Variants in MACROD1 observed in about 807,000 individuals in gnomAD.
The protein encoded by MACROD1 is ADP-ribose glycohydrolase MACROD1.
In MACROD1, 31 loss-of-function variants were observed where a neutral mutation model predicts 41.4. The ratio of observed to expected loss-of-function variants is 0.75; its 90% CI spans 0.56 to 1.01. The LOEUF is 1.01. Ranked by LOEUF, MACROD1 falls within the 50% of genes least tolerant of loss-of-function variation. The probability of loss-of-function intolerance (pLI) is 0.00; values close to 1 mark genes in which losing one functional copy is unlikely to be tolerated. For synonymous variants in MACROD1, 252 were observed against 203.4 expected (o/e 1.24, Z -2.03); for missense variants, 473 against 460.0 (o/e 1.03, Z -0.26).
chr11:64,152,501 C>T lies in MACROD1; in HGVS notation c.299-108G>A. 3.6e-6 allele frequency: 3 copies of T among 843,438 alleles called. No individual in the cohort carries two copies. In the Admixed American group the frequency reaches 5.4e-5, roughly 15 times the overall value. 52.2% of individuals were successfully genotyped at this position (843,438 alleles called of 1,614,324 possible). A position where few individuals can be genotyped will look rare whatever the true frequency, so the allele number is the denominator to read the frequency against. ...ATCCAAGAATGCAAACCAGCTCTTC[C>T]TGTCCCTCCTTCTCTGGGCACACAG... is the stretch of plus-strand genomic sequence containing the variant. On this transcript the variant is annotated intron_variant, in intron 1 of 10. Transcript: ENST00000255681.
At chr11:64,142,801 G>A (rs1298693119) in intron 3 of MACROD1, among the ~76,000 whole-genome samples, 2 of 152,032 alleles carry the variant, frequency 1.3e-5, no homozygotes, top group African/African-American at 4.8e-5. Context: ...ACTTCCAGAC[G>A]ACCCAGAGGG....
intron 3 of MACROD1, among the ~76,000 whole-genome samples, chr11:64,083,339 G>A (rs865815400): frequency 3.3e-5 from 5 of 152,156 alleles, no homozygotes; most frequent in African/African-American, 9.7e-5. Context: ...CAGAGGCTGA[G>A]GCAGGAGAAT....
At position 64,064,729 on chromosome 11, in the gene MACROD1, C is replaced by T. The variant is rs529041927; in HGVS notation, c.518-49448G>A. Among the ~76,000 whole-genome samples the T allele has an allele frequency of 8.6e-5, 13 of 150,760 alleles. No individual in the cohort carries two copies. The highest frequency in any genetic ancestry group is 3.2e-4 in the African/African-American group (13 of 41,152). ...AGTTCTCCTCTCCCCTCCCTGCCAG[C>T]CCCCCAGCAGGCAGCCAGGCCTGGA... On this transcript the variant is annotated intron_variant, in intron 3 of 10. Coordinates refer to ENST00000255681, the MANE Select transcript of MACROD1 (RefSeq NM_014067.4). The surrounding 1 kb of genome is among the most constrained non-coding windows in gnomAD (Gnocchi z 4.5).
intron 4 of MACROD1, among the ~76,000 whole-genome samples, chr11:64,012,443 C>T (rs1943028843): frequency 6.6e-6 from 1 of 152,068 alleles, no homozygotes; most frequent in Admixed American, 6.5e-5. Context: ...CTGTGTTACC[C>T]AAGCTGGAGT....
At chr11:64,117,050 C>A in intron 3 of MACROD1, 9 of 1,605,480 alleles carry the variant, frequency 5.6e-6, no homozygotes, top group Non-Finnish European at 7.7e-6. Context: ...ATTCGCTGGC[C>A]GCGCCACCCC....
At chr11:64,099,223 C>G (rs766204952) in intron 3 of MACROD1, among the ~76,000 whole-genome samples, 1 of 152,250 alleles carries the variant, frequency 6.6e-6, no homozygotes, top group Admixed American at 6.5e-5. Context: ...CCATGATCCA[C>G]CCCACTCCCC....
chr11:64,008,401 G>GAGGCGGGAGGTCCCACGCACACAT (rs147518923), intron 4 of MACROD1, among the ~76,000 whole-genome samples: 148,036 of 148,592 alleles, frequency 1, 73,740 homozygotes, highest in Middle Eastern at 1. Flanking sequence ...GGCCTGGGGA[G>GAGGCGGGAGGTCCCACGCACACAT]AGGCGCCCAG....
intron 3 of MACROD1, among the ~76,000 whole-genome samples, chr11:64,060,995 G>A (rs545113822): frequency 5.5e-4 from 84 of 152,042 alleles, no homozygotes; most frequent in Admixed American, 2.4e-3. Context: ...GGCCGGCGTC[G>A]ACCTTCCCCG....
chr11:64,164,545 A>G (rs1452456885), intron 1 of MACROD1, among the ~76,000 whole-genome samples: 1 of 152,202 alleles, frequency 6.6e-6, no homozygotes, highest in East Asian at 1.9e-4. Flanking sequence ...GCAAGGGCCA[A>G]GTGCCTGACA....
At chr11:64,030,087 G>A (rs1206853218) in intron 3 of MACROD1, among the ~76,000 whole-genome samples, 2 of 152,048 alleles carry the variant, frequency 1.3e-5, no homozygotes, top group African/African-American at 4.8e-5. Flanking sequence ...CTTTGCCCAG[G>A]CCTGCGTTCC....
chr11:64,142,230 T>C lies in MACROD1; in HGVS notation c.517+9009A>G, dbSNP rs192481917. Among the ~76,000 whole-genome samples the C allele has an allele frequency of 1.8e-3, 276 of 152,228 alleles. 3 individuals are homozygous for C. The South Asian group carries it at 0.026, about 14-fold the overall frequency. On this transcript the variant is annotated intron_variant, in intron 3 of 10. Coordinates refer to ENST00000255681, the MANE Select transcript of MACROD1 (RefSeq NM_014067.4). ...ACTCTCAAGGGCATGGAGTCACTTA[T>C]TCATTCAACAAACATCAGGTCAGAC... is the stretch of plus-strand genomic sequence containing the variant.
chr11:64,131,046 TGCCA>T (rs1252154805), intron 3 of MACROD1, among the ~76,000 whole-genome samples: 1 of 152,262 alleles, frequency 6.6e-6, no homozygotes, highest in African/African-American at 2.4e-5. Flanking sequence ...AGTAATTTAC[TGCCA>T]CCCAGAATTC....
chr11:64,160,087 A>G (rs886248604), intron 1 of MACROD1, among the ~76,000 whole-genome samples: 1 of 152,204 alleles, frequency 6.6e-6, no homozygotes, highest in Non-Finnish European at 1.5e-5. Flanking sequence ...GGCACTCAGC[A>G]CTGCATATAG....
intron 1 of MACROD1, among the ~76,000 whole-genome samples, chr11:64,156,351 C>T (rs1945668034): frequency 6.6e-6 from 1 of 152,224 alleles, no homozygotes; most frequent in Non-Finnish European, 1.5e-5. Context: ...GAGGCCTTGG[C>T]ATGCCACTGT....
At chr11:64,083,916 C>T (rs991705620) in intron 3 of MACROD1, among the ~76,000 whole-genome samples, 4 of 152,312 alleles carry the variant, frequency 2.6e-5, no homozygotes, top group East Asian at 1.9e-4. Flanking sequence ...CGGCCGGCCC[C>T]GTGGGCAGGG....
chr11:64,012,161 G>C (rs535548375), intron 4 of MACROD1, among the ~76,000 whole-genome samples: 2 of 152,262 alleles, frequency 1.3e-5, no homozygotes, highest in African/African-American at 4.8e-5. Context: ...GGTTGTGTGA[G>C]AGGCCTGTGC....
At chr11:64,158,466 A>G (rs1945703124) in intron 1 of MACROD1, among the ~76,000 whole-genome samples, 1 of 151,536 alleles carries the variant, frequency 6.6e-6, no homozygotes, top group Non-Finnish European at 1.5e-5. Flanking sequence ...CTGGTCTCGA[A>G]CTCCTGGGCT....
At chr11:64,024,339 C>T (rs1181435700) in intron 3 of MACROD1, among the ~76,000 whole-genome samples, 2 of 152,332 alleles carry the variant, frequency 1.3e-5, no homozygotes, top group East Asian at 1.9e-4. Flanking sequence ...TCTTTCATTT[C>T]GCCCTCCCCA....
chr11:64,058,875 T>G (rs953787907), intron 3 of MACROD1, among the ~76,000 whole-genome samples: 4 of 152,078 alleles, frequency 2.6e-5, no homozygotes, highest in Non-Finnish European at 5.9e-5. Context: ...GGAGCTTCCA[T>G]CTTCACTCTG....
Sources: gnomAD v4.1 joint callset for allele counts (sites outside exome capture counted in the v4.1 genomes callset) on GRCh38, gnomAD v4.1.1 for gene constraint, Gnocchi (gnomAD v3.1) non-coding constraint, MANE v1.5 for transcripts, NCBI Gene and HGNC (gene_info 2026-07-23, HGNC 2026-07-21) for gene names.